The following ANKRD18A variants were observed in gnomAD, a reference collection of about 807,000 sequenced individuals.
The protein encoded by ANKRD18A is ankyrin repeat domain-containing protein 18A.
Under a neutral mutation model 110.6 loss-of-function variants are expected in ANKRD18A, and 72 were observed. The ratio of observed to expected loss-of-function variants is 0.65; its 90% CI spans 0.54 to 0.79. ANKRD18A has a LOEUF of 0.79. Ranked by LOEUF, ANKRD18A falls within the 30% of genes least tolerant of loss-of-function variation. ANKRD18A has a pLI of 0.00. For synonymous variants in ANKRD18A, 305 were observed against 410.3 expected (o/e 0.74, Z 3.10); for missense variants, 934 against 1,163.3 (o/e 0.80, Z 2.87).
At position 38,577,895 on chromosome 9, in the gene ANKRD18A, A is replaced by G. The variant is rs1443807717; in HGVS notation, c.2501T>C (p.Ile834Thr). Residue 834 changes from isoleucine to threonine, a missense_variant, in exon 13 of 16, where the codon ATA becomes ACA. Coordinates refer to ENST00000399703, the MANE Select transcript of ANKRD18A (RefSeq NM_147195.4). ...TAAATGGATTTCTTCTAATTTTTCT[A>G]TTTCCTGCACTGCCCTTTCATCCAG... Reference protein sequence around the residue: ...SELDERAVQEIEKLEEIHLQK... With the variant: ...SELDERAVQETEKLEEIHLQK... The G allele has an allele frequency of 1.6e-5, 25 of 1,588,110 alleles. No homozygotes were observed. The highest frequency in any genetic ancestry group is 1.8e-5 in the Non-Finnish European group (21 of 1,171,072).
chr9:38,574,776 G>C (rs1327964160), intron 15 of ANKRD18A, among the ~76,000 whole-genome samples: 1 of 152,150 alleles, frequency 6.6e-6, no homozygotes, highest in African/African-American at 2.4e-5. Flanking sequence ...TGGGTGGAAA[G>C]AGTTAAGTTG....
downstream of ANKRD18A, chr9:38,569,562 C>T: frequency 1.8e-6 from 1 of 568,910 alleles, no homozygotes; most frequent in Non-Finnish European, 2.2e-6. Flanking sequence ...CACAACCCAC[C>T]ACAACAGGAG....
Position 38,620,566 on chromosome 9 carries a change from A to C in ANKRD18A, c.-281T>G. Reference sequence around the variant, plus strand: ...AGCTAAGCCGTTAGGCGCGCGCCTGAACCTCAGCGCTCCGAACTCTCAGAC... The same window carrying C: ...AGCTAAGCCGTTAGGCGCGCGCCTGCACCTCAGCGCTCCGAACTCTCAGAC... On this transcript the variant is annotated 5_prime_UTR_variant, in exon 1 of 16. Coordinates refer to ENST00000399703, the MANE Select transcript of ANKRD18A (RefSeq NM_147195.4). The C allele has an allele frequency of 9.2e-7, 1 of 1,081,104 alleles. No homozygotes were observed. Among genetic ancestry groups the C allele is most frequent in the South Asian group, 2.3e-5 (1 of 43,840 alleles). 67.0% of individuals were successfully genotyped at this position (1,081,104 alleles called of 1,614,324 possible).
At chr9:38,598,254 G>T (rs555308246) in intron 8 of ANKRD18A, among the ~76,000 whole-genome samples, 2 of 152,204 alleles carry the variant, frequency 1.3e-5, no homozygotes, top group East Asian at 3.9e-4. Flanking sequence ...TGCTTATCTG[G>T]TTCAGAAGGT....
At chr9:38,616,777 G>A (rs1563980188) in intron 1 of ANKRD18A, among the ~76,000 whole-genome samples, 1 of 152,092 alleles carries the variant, frequency 6.6e-6, no homozygotes, top group Non-Finnish European at 1.5e-5. Flanking sequence ...TATATTACTA[G>A]TATTTAACAA....
intron 7 of ANKRD18A, among the ~76,000 whole-genome samples, chr9:38,601,626 GTGTACACCC>G (rs1242029626): frequency 6.6e-6 from 1 of 152,094 alleles, no homozygotes; most frequent in Admixed American, 6.6e-5. Flanking sequence ...TACCTTTACA[GTGTACACCC>G]TGTTTTTTAC....
intron 6 of ANKRD18A, among the ~76,000 whole-genome samples, chr9:38,605,683 G>A (rs577360138): frequency 3.3e-5 from 5 of 152,098 alleles, no homozygotes; most frequent in South Asian, 4.1e-4. Flanking sequence ...GGTGCATTCC[G>A]GCTCACTGCA....
At position 38,620,174 on chromosome 9, in the gene ANKRD18A, T is replaced by C. The variant is rs1826028888; in HGVS notation, c.112A>G (p.Ile38Val). ...TCGCCCTTGATGGCAGCCCTGTGGA[T>C]CTTCCGCAGTTCCCAGTCCCGAATG... ...YDIRDWELRKIHRAAIKGDAA... is the reference protein window; with the variant it reads ...YDIRDWELRKVHRAAIKGDAA... Residue 38 changes from isoleucine (I) to valine (V), a missense_variant, in exon 1 of 16, where the codon ATC becomes GTC. Ile to Val is a conservative substitution (Grantham distance 29). Coordinates refer to ENST00000399703, the MANE Select transcript of ANKRD18A (RefSeq NM_147195.4). 6.4e-7 allele frequency: 1 copy of C among 1,565,268 alleles called. No individual in the cohort carries two copies. The highest frequency in any genetic ancestry group is 1.4e-5 in the African/African-American group (1 of 73,716).
At chr9:38,584,343 G>C (rs1167290742) in intron 12 of ANKRD18A, among the ~76,000 whole-genome samples, 1 of 152,164 alleles carries the variant, frequency 6.6e-6, no homozygotes, top group Admixed American at 6.5e-5. Context: ...TTATTTCAGA[G>C]GCTTATATGC....
In ANKRD18A at chr9:38,571,573, G is replaced by T; in HGVS notation, c.*472C>A. On this transcript the variant is annotated 3_prime_UTR_variant, in exon 16 of 16. Coordinates refer to ENST00000399703, the MANE Select transcript of ANKRD18A (RefSeq NM_147195.4). ...ACTATTGAGCTACAAGAAGAAAACCGTAACACTAGTATGGACAAACCTGGC... is the reference window on the plus strand; with the variant it reads ...ACTATTGAGCTACAAGAAGAAAACCTTAACACTAGTATGGACAAACCTGGC... 2.0e-6 allele frequency: 2 copies of T among 1,003,280 alleles called. No homozygotes were observed. The highest frequency in any genetic ancestry group is 2.4e-6 in the Non-Finnish European group (2 of 839,454). 62.1% of individuals were successfully genotyped at this position (1,003,280 alleles called of 1,614,324 possible).
At chr9:38,607,829 T>C (rs548945418) in intron 5 of ANKRD18A, among the ~76,000 whole-genome samples, 18 of 152,356 alleles carry the variant, frequency 1.2e-4, no homozygotes, top group Non-Finnish European at 2.5e-4. Context: ...TTAGCCTCCA[T>C]GGCTTCTTCT....
intron 6 of ANKRD18A, among the ~76,000 whole-genome samples, chr9:38,605,861 T>C (rs1825330407): frequency 6.6e-6 from 1 of 152,128 alleles, no homozygotes; most frequent in African/African-American, 2.4e-5. Flanking sequence ...TGATCTGCCT[T>C]CCTTGGTCTC....
chr9:38,620,398 C>A lies in ANKRD18A; in HGVS notation c.-113G>T, dbSNP rs1266693947. ...CGATCTCCCCCGCAACCCGCGATCC[C>A]CCCCGCAACCCGCGATCCACCCCCA... On this transcript the variant is annotated 5_prime_UTR_variant, in exon 1 of 16. Transcript: ENST00000399703. 3.1e-6 allele frequency: 3 copies of A among 953,346 alleles called. No individual in the cohort carries two copies. The highest frequency in any genetic ancestry group is 4.4e-6 in the Non-Finnish European group (3 of 685,290). 59.1% of individuals were successfully genotyped at this position (953,346 alleles called of 1,614,324 possible).
At chr9:38,577,411 T>G in intron 13 of ANKRD18A, 147 bp from the exon 14 acceptor site, 1 of 780,172 alleles carries the variant, frequency 1.3e-6, no homozygotes, top group Admixed American at 3.5e-5. Context: ...ATCAGCAATA[T>G]CAACAAAACT....
At chr9:38,614,232 T>TG (rs1036035895) in intron 3 of ANKRD18A, among the ~76,000 whole-genome samples, 15 of 145,840 alleles carry the variant, frequency 1.0e-4, no homozygotes, top group Non-Finnish European at 2.1e-4. Context: ...TTTTTTTTTT[T>TG]TTTTTTTTTT....
chr9:38,618,727 G>A (rs1825955880), intron 1 of ANKRD18A, among the ~76,000 whole-genome samples: 1 of 151,928 alleles, frequency 6.6e-6, no homozygotes. Context: ...GAAACACTAA[G>A]GATTTTTTCC....
At chr9:38,589,086 A>C (rs1457666032) in intron 10 of ANKRD18A, among the ~76,000 whole-genome samples, 4 of 152,200 alleles carry the variant, frequency 2.6e-5, no homozygotes, top group African/African-American at 9.6e-5. Flanking sequence ...TTCCCACTAC[A>C]TTTTTGATCC....
Position 38,582,753 on chromosome 9 carries a change from T to C in ANKRD18A, c.2247+3430A>G, listed in dbSNP as rs1466009847. ...AAACTCTCAGAAGAAAACATTGGCA[T>C]AAATCTTTGTGACTGCATTTGGCAG... On this transcript the variant is annotated intron_variant, in intron 12 of 15. Coordinates refer to ENST00000399703, the MANE Select transcript of ANKRD18A (RefSeq NM_147195.4). 2.0e-5 allele frequency among the ~76,000 whole-genome samples: 3 copies of C among 152,234 alleles called. No individual in the cohort carries two copies. In the East Asian group the frequency reaches 5.8e-4, roughly 29 times the overall value.
chr9:38,577,751 G>A (rs1823963521), intron 13 of ANKRD18A, 116 bp downstream of exon 13: 3 of 1,202,612 alleles, frequency 2.5e-6, no homozygotes, highest in South Asian at 1.8e-5. Flanking sequence ...ACTCTACGAA[G>A]GAAATTGCTG....
Sources: gnomAD v4.1 joint callset for allele counts (sites outside exome capture counted in the v4.1 genomes callset) on GRCh38, gnomAD v4.1.1 for gene constraint, MANE v1.5 for transcripts, NCBI Gene and HGNC (gene_info 2026-07-23, HGNC 2026-07-21) for gene names.